NNT: variants seen among roughly 807,000 people sequenced by gnomAD.
NNT encodes NAD(P) transhydrogenase, mitochondrial.
In NNT, 50 loss-of-function variants were observed where a neutral mutation model predicts 104.8. The observed-to-expected ratio is 0.48, with a 90% CI of 0.38 to 0.60. The LOEUF (loss-of-function observed/expected upper bound fraction) is 0.60, where lower values mean the gene tolerates loss of function less well. NNT is among the 20% of genes least tolerant of loss of function. The pLI, the probability that NNT is intolerant of heterozygous loss-of-function variation, is 0.00. For synonymous variants in NNT, 461 were observed against 490.4 expected, an observed-to-expected ratio of 0.94 and a Z score of 0.79; for missense variants, 1,131 against 1,330.7, an observed-to-expected ratio of 0.85 and a Z score of 2.33.
chr5:43,659,336 T>A lies in NNT; in HGVS notation c.2620T>A (p.Tyr874Asn). The A allele has an allele frequency of 1.2e-6, 2 of 1,610,902 alleles. No individual in the cohort carries two copies. The highest frequency in any genetic ancestry group is 8.5e-7 in the Non-Finnish European group (1 of 1,178,958). Residue 874 changes from tyrosine to asparagine, a missense_variant, in exon 17 of 22, where the codon TAC becomes AAC. Tyr to Asn is a moderately radical substitution (Grantham distance 143). Transcript: ENST00000344920. Reference sequence around the variant, plus strand: ...AGGCTCGTCTGGTGCTATCCTGTCATACATCATGTGTGTGGTAAGAAACAA... The same window carrying A: ...AGGCTCGTCTGGTGCTATCCTGTCAAACATCATGTGTGTGGTAAGAAACAA... The part of the protein sequence containing the change: ...LIGSSGAILS[Y>N]IMCVAMNRSL...
chr5:43,700,857 T>C (rs1003829645), intron 20 of NNT, among the ~76,000 whole-genome samples: 2 of 152,230 alleles, frequency 1.3e-5, no homozygotes, highest in Non-Finnish European at 2.9e-5. Context: ...TAAAAAAGGC[T>C]GTTTATTAGA....
chr5:43,656,229 CAGG>C (rs1215998715), intron 15 of NNT, among the ~76,000 whole-genome samples, 156 bp downstream of exon 15: 1 of 152,094 alleles, frequency 6.6e-6, no homozygotes, highest in Admixed American at 6.5e-5. Flanking sequence ...CTCTCAAGCC[CAGG>C]AGTTCAAGAC....
chr5:43,612,780 G>T, intron 2 of NNT, 128 bp from the exon 3 acceptor site: 1 of 638,232 alleles, frequency 1.6e-6, no homozygotes. Flanking sequence ...ATTCTGAACA[G>T]CAGCTTGCAT....
chr5:43,675,502 G>A lies in NNT; in HGVS notation c.2635-9G>A, dbSNP rs758864533. ...TTAAACTCTCACAGCTGATAATTTGGCTTTCTAGGCAATGAATCGCTCCCT... is the reference window on the plus strand; with the variant it reads ...TTAAACTCTCACAGCTGATAATTTGACTTTCTAGGCAATGAATCGCTCCCT... On this transcript the variant is annotated splice_polypyrimidine_tract_variant and intron_variant, in intron 17 of 21. Coordinates refer to ENST00000344920, the MANE Select transcript of NNT (RefSeq NM_182977.3). 6 of 1,603,418 alleles carry A rather than the reference G, an allele frequency of 3.7e-6. No homozygotes were observed. The African/African-American group carries it at 4.0e-5, about 11-fold the overall frequency.
chr5:43,642,947 T>C (rs2111813470), intron 7 of NNT, among the ~76,000 whole-genome samples: 1 of 152,344 alleles, frequency 6.6e-6, no homozygotes, highest in African/African-American at 2.4e-5. Context: ...TTTAAAGAGA[T>C]GGAGTTTCAC....
intron 1 of NNT, among the ~76,000 whole-genome samples, chr5:43,607,761 TA>T (rs1749302704): frequency 6.6e-6 from 1 of 151,932 alleles, no homozygotes; most frequent in African/African-American, 2.4e-5. Flanking sequence ...GTTCTGAAAT[TA>T]AAAATGAGCT....
At chr5:43,625,530 C>T (rs1322276087) in intron 6 of NNT, among the ~76,000 whole-genome samples, 1 of 152,052 alleles carries the variant, frequency 6.6e-6, no homozygotes, top group East Asian at 1.9e-4. Flanking sequence ...AATATGAAAT[C>T]CAAATGTATT....
intron 4 of NNT, among the ~76,000 whole-genome samples, chr5:43,617,507 C>T (rs1749853332): frequency 6.6e-6 from 1 of 152,124 alleles, no homozygotes; most frequent in Non-Finnish European, 1.5e-5. Flanking sequence ...AAGGAATCAT[C>T]TAGTATACAT....
At chr5:43,618,624 CCTAT>C (rs1339550449) in intron 4 of NNT, among the ~76,000 whole-genome samples, 2 of 152,126 alleles carry the variant, frequency 1.3e-5, no homozygotes, top group African/African-American at 2.4e-5. Flanking sequence ...TTAGTATTTT[CCTAT>C]CTTTCTTTCA....
At chr5:43,616,305 T>C (rs1056339990) in intron 4 of NNT, among the ~76,000 whole-genome samples, 2 of 152,214 alleles carry the variant, frequency 1.3e-5, no homozygotes, top group Non-Finnish European at 2.9e-5. Context: ...AATGTTTCCA[T>C]TCACCAAAGC....
intron 17 of NNT, among the ~76,000 whole-genome samples, chr5:43,671,596 A>G: frequency 6.6e-6 from 1 of 152,244 alleles, no homozygotes; most frequent in East Asian, 1.9e-4. Context: ...TTCTTTAAGA[A>G]TGTTGAATAT....
chr5:43,645,615 A>C, intron 10 of NNT, 105 bp downstream of exon 10: 3 of 418,840 alleles, frequency 7.2e-6, no homozygotes, highest in Non-Finnish European at 7.4e-6. Flanking sequence ...GTATATATAG[A>C]TATATATACA....
Position 43,628,193 on chromosome 5 carries a change from A to ACAG in NNT, c.777-6_777-5insAGC. 6.6e-7 allele frequency: 1 copy of ACAG among 1,522,052 alleles called. No individual in the cohort carries two copies. Among genetic ancestry groups the ACAG allele is most frequent in the South Asian group, 1.3e-5 (1 of 74,278 alleles). 94.3% of individuals were successfully genotyped at this position (1,522,052 alleles called of 1,614,324 possible). On this transcript the variant is annotated splice_region_variant and splice_polypyrimidine_tract_variant and intron_variant, in intron 6 of 21. Transcript: ENST00000344920. Reference sequence around the variant, plus strand: ...AACTACTCTTTCCACTTTAACAATCACCCTAGAGCTGCAGCTTTGGAACAG... The same window carrying ACAG: ...AACTACTCTTTCCACTTTAACAATCACAGCCCTAGAGCTGCAGCTTTGGAACAG...
At chr5:43,616,144 C>T in intron 4 of NNT, 79 bp downstream of exon 4, 1 of 1,134,840 alleles carries the variant, frequency 8.8e-7, no homozygotes, top group Non-Finnish European at 1.3e-6. Context: ...TTCTGTCTTA[C>T]AGTGATTTTA....
intron 2 of NNT, among the ~76,000 whole-genome samples, chr5:43,610,229 G>A (rs1332149044): frequency 1.5e-5 from 2 of 135,614 alleles, no homozygotes; most frequent in African/African-American, 5.6e-5. Flanking sequence ...TTTTTAAGCA[G>A]CAGCAAGATT....
chr5:43,652,990 ATCTC>A (rs1166345771), intron 13 of NNT, 24 bp from the exon 14 acceptor site: 3 of 1,569,418 alleles, frequency 1.9e-6, no homozygotes, highest in Non-Finnish European at 2.6e-6. Context: ...GGTTTTAATA[ATCTC>A]TCTCTCACTT....
chr5:43,663,711 A>C lies in NNT; in HGVS notation c.2634+4361A>C, dbSNP rs141704376. ...GCAGGCATTATGCTGGGTGCTTTAC[A>C]AAATATAGCTCATTTAATCCCCGCA... On this transcript the variant is annotated intron_variant, in intron 17 of 21. Transcript: ENST00000344920. Among the ~76,000 whole-genome samples, 984 of 152,296 alleles carry C rather than the reference A, an allele frequency of 6.5e-3. 2 individuals carry two copies. The highest frequency in any genetic ancestry group is 9.8e-3 in the Non-Finnish European group (665 of 68,014).
intron 7 of NNT, among the ~76,000 whole-genome samples, chr5:43,634,353 A>T (rs1308257797): frequency 6.6e-6 from 1 of 152,194 alleles, no homozygotes; most frequent in Non-Finnish European, 1.5e-5. Flanking sequence ...TTCGGGCAAG[A>T]GAGTGATTGA....
chr5:43,641,040 G>C (rs1042395882), intron 7 of NNT, among the ~76,000 whole-genome samples: 3 of 151,584 alleles, frequency 2.0e-5, no homozygotes, highest in Non-Finnish European at 4.4e-5. Flanking sequence ...TATCTTTCTA[G>C]AGTTTAACTT....
Sources: allele counts gnomAD v4.1 joint callset (sites outside exome capture counted in the v4.1 genomes callset), GRCh38; gene constraint gnomAD v4.1.1; transcripts MANE v1.5; gene names NCBI Gene and HGNC (gene_info 2026-07-23, HGNC 2026-07-21).